NAALADL2: variants seen among roughly 807,000 people sequenced by gnomAD.
NAALADL2 encodes the protein N-acetylated alpha-linked acidic dipeptidase like 2, also known as inactive N-acetylated-alpha-linked acidic dipeptidase-like protein 2.
NAALADL2 carries 76 observed loss-of-function variants against 87.2 expected under a neutral mutation model. The observed-to-expected ratio is 0.87, with a 90% CI of 0.72 to 1.05. The LOEUF is 1.05. NAALADL2 is among the 50% of genes least tolerant of loss of function. The probability of loss-of-function intolerance (pLI) is 0.00; values close to 1 mark genes in which losing one functional copy is unlikely to be tolerated. For missense variants in NAALADL2, 1,089 were observed against 945.8 expected (o/e 1.15, Z -1.99); for synonymous variants, 354 against 331.0 (o/e 1.07, Z -0.75).
At chr3:175,159,721 G>A (rs1045471404) in intron 2 of NAALADL2, among the ~76,000 whole-genome samples, 2 of 152,046 alleles carry the variant, frequency 1.3e-5, no homozygotes, top group African/African-American at 4.8e-5. Context: ...GTAGTTTTGT[G>A]GCAGTTTTGT....
intron 5 of NAALADL2, among the ~76,000 whole-genome samples, chr3:175,421,917 C>T (rs1245755909): frequency 3.3e-5 from 5 of 152,014 alleles, no homozygotes; most frequent in Non-Finnish European, 7.4e-5. Flanking sequence ...CCTCTGACAG[C>T]AAATACAAAT....
chr3:175,452,318 T>A (rs1463489677), intron 6 of NAALADL2, among the ~76,000 whole-genome samples: 3 of 152,132 alleles, frequency 2.0e-5, no homozygotes, highest in African/African-American at 7.2e-5. Flanking sequence ...AGTAGTATGA[T>A]CTTATATGAC....
At chr3:175,113,274 A>C (rs954279375) in intron 2 of NAALADL2, among the ~76,000 whole-genome samples, 2 of 151,560 alleles carry the variant, frequency 1.3e-5, no homozygotes, top group African/African-American at 2.4e-5. Flanking sequence ...TAGCCACTTC[A>C]TAAATATTCA....
rs1360762359 is a variant in NAALADL2, at chr3:174,902,602, A to G, written c.43+43152A>G. On this transcript the variant is annotated intron_variant, in intron 1 of 13. Transcript: ENST00000454872. ...TTCTATTAATAGAGGTTAAATATCT[A>G]TATTAAGGGAGATACTGCAGAGACA... Among the ~76,000 whole-genome samples, 6 of 152,158 alleles carry G rather than the reference A, an allele frequency of 3.9e-5. No individual in the cohort carries two copies. In the South Asian group the frequency reaches 1.0e-3, roughly 26 times the overall value.
chr3:174,699,325 G>A (rs976546299), intron 2 of NAALADL2, among the ~76,000 whole-genome samples: 8 of 151,996 alleles, frequency 5.3e-5, no homozygotes, highest in East Asian at 3.9e-4. Flanking sequence ...GTGAAACCTC[G>A]TCTCTACTAA....
chr3:174,964,546 C>T (rs1742596583), intron 1 of NAALADL2, among the ~76,000 whole-genome samples: 1 of 151,828 alleles, frequency 6.6e-6, no homozygotes, highest in Non-Finnish European at 1.5e-5. Flanking sequence ...AGAGGTCTTG[C>T]AGAGCAGAAT....
chr3:174,958,720 C>A (rs1247621057), intron 1 of NAALADL2, among the ~76,000 whole-genome samples: 13 of 152,014 alleles, frequency 8.6e-5, no homozygotes, highest in Non-Finnish European at 1.5e-4. Context: ...TAGGTTAATA[C>A]ATTTGTTGAA....
Position 175,803,073 on chromosome 3 carries a change from GC to G in NAALADL2, c.2259del (p.Cys753Ter). The G allele has an allele frequency of 6.2e-7, 1 of 1,612,236 alleles. No individual in the cohort carries two copies. The highest frequency in any genetic ancestry group is 8.5e-7 in the Non-Finnish European group (1 of 1,178,892). On this transcript the variant is annotated frameshift_variant, in exon 14 of 14. Transcript: ENST00000454872. LOFTEE classifies it high-confidence loss of function. ...FSILIEAWEH[C>X]KPLASNETLQ... ...ATACTTATAGAGGCTTGGGAACACT[GC>G]AAACCCCTTGCATCAAATGAGACCC...
chr3:175,087,573 T>G (rs1378832040), intron 1 of NAALADL2, among the ~76,000 whole-genome samples: 2 of 152,226 alleles, frequency 1.3e-5, no homozygotes, highest in South Asian at 2.1e-4. Context: ...AGAAAAATTC[T>G]TCTGCCTTGG....
At chr3:174,982,200 T>G (rs1405262497) in intron 1 of NAALADL2, among the ~76,000 whole-genome samples, 1 of 152,122 alleles carries the variant, frequency 6.6e-6, no homozygotes, top group East Asian at 1.9e-4. Context: ...TCTGGTTGAA[T>G]CCAGAGATAA....
chr3:175,615,998 C>T (rs1388023842), intron 10 of NAALADL2, among the ~76,000 whole-genome samples: 7 of 145,784 alleles, frequency 4.8e-5, no homozygotes, highest in Non-Finnish European at 9.0e-5. Context: ...ATCATATATA[C>T]ATAATTATAA....
intron 10 of NAALADL2, among the ~76,000 whole-genome samples, chr3:175,588,580 C>T (rs536558616): frequency 1.5e-5 from 2 of 129,188 alleles, no homozygotes; most frequent in East Asian, 4.1e-4. Flanking sequence ...GCTCTGTCGC[C>T]GAGGCTGGAG....
At chr3:175,685,312 A>G (rs1736123283) in intron 11 of NAALADL2, among the ~76,000 whole-genome samples, 1 of 152,088 alleles carries the variant, frequency 6.6e-6, no homozygotes, top group Non-Finnish European at 1.5e-5. Context: ...AGAATCTCCA[A>G]TTTTGTGCTA....
Position 175,737,367 on chromosome 3 carries a change from A to G in NAALADL2, c.1958A>G (p.Asp653Gly), listed in dbSNP as rs1238133486. Residue 653 changes from aspartate (D) to glycine (G), a missense_variant, in exon 12 of 14, where the codon GAT becomes GGT. Physicochemically the swap from Asp to Gly is moderately conservative, Grantham distance 94. Transcript: ENST00000454872. ...NEPVLPFNALDIALEVQNNLK... is the reference protein window; with the variant it reads ...NEPVLPFNALGIALEVQNNLK... ...CCTGTTCTGCCCTTTAATGCACTTG[A>G]TATAGCTTTAGAAGTTCAAAACAAC... The G allele has an allele frequency of 6.2e-7, 1 of 1,609,290 alleles. No individual in the cohort carries two copies. The highest frequency in any genetic ancestry group is 1.7e-5 in the Admixed American group (1 of 59,914).
At chr3:174,715,968 T>C (rs1023346838) in intron 2 of NAALADL2, among the ~76,000 whole-genome samples, 8 of 152,146 alleles carry the variant, frequency 5.3e-5, no homozygotes, top group African/African-American at 1.9e-4. Flanking sequence ...TTCTTTCCTT[T>C]GATTGCTAAA....
intron 2 of NAALADL2, among the ~76,000 whole-genome samples, chr3:174,714,457 T>C (rs1024055459): frequency 2.6e-5 from 4 of 152,212 alleles, no homozygotes; most frequent in African/African-American, 9.7e-5. Context: ...TCCATTTGTT[T>C]GTATTCTCTT....
chr3:175,437,284 C>A (rs1718856401), intron 5 of NAALADL2, among the ~76,000 whole-genome samples: 1 of 145,530 alleles, frequency 6.9e-6, no homozygotes, highest in Non-Finnish European at 1.5e-5. Flanking sequence ...ACAAAAATCA[C>A]AAGCATTCTT....
chr3:174,629,779 A>G (rs1186421178), intron 2 of NAALADL2, among the ~76,000 whole-genome samples: 4 of 152,184 alleles, frequency 2.6e-5, no homozygotes, highest in African/African-American at 9.7e-5. Flanking sequence ...CTACGTATGT[A>G]TGCGTATGTT....
chr3:174,575,925 G>A (rs1401480465), intron 2 of NAALADL2, among the ~76,000 whole-genome samples: 1 of 151,994 alleles, frequency 6.6e-6, no homozygotes, highest in East Asian at 1.9e-4. Context: ...AGTGCAATGT[G>A]CGATCTCGGC....
Sources: allele counts gnomAD v4.1 joint callset (sites outside exome capture counted in the v4.1 genomes callset), GRCh38; gene constraint gnomAD v4.1.1; transcripts MANE v1.5; gene names NCBI Gene and HGNC (gene_info 2026-07-23, HGNC 2026-07-21).